The following MRPL37 variants were observed in gnomAD, a reference collection of about 807,000 sequenced individuals.
MRPL37 encodes the protein large ribosomal subunit protein mL37.
MRPL37 carries 34 observed loss-of-function variants against 44.1 expected under a neutral mutation model. That is an observed-to-expected ratio of 0.77 (90% CI 0.59 to 1.03). The LOEUF is 1.03. Among genes scored for constraint, MRPL37 ranks in the 50% least tolerant of loss-of-function variants. The pLI is 0.00. For missense variants in MRPL37, 532 were observed against 543.7 expected (o/e 0.98, Z 0.21); for synonymous variants, 212 against 219.5 (o/e 0.97, Z 0.30).
downstream of MRPL37, among the ~76,000 whole-genome samples, chr1:54,224,895 A>C (rs1644264656): frequency 6.7e-6 from 1 of 150,080 alleles, no homozygotes; most frequent in Non-Finnish European, 1.5e-5. Flanking sequence ...AGACTGCACT[A>C]CTCTCAAAAC....
chr1:54,223,185 GC>G (rs1422634262), downstream of MRPL37, among the ~76,000 whole-genome samples: 3 of 152,162 alleles, frequency 2.0e-5, no homozygotes, highest in African/African-American at 7.2e-5. Flanking sequence ...CCAACTCCAA[GC>G]CCCCAGTGCT....
At chr1:54,219,001 C>T (rs2100518420), downstream of MRPL37, among the ~76,000 whole-genome samples, 1 of 152,340 alleles carries the variant, frequency 6.6e-6, no homozygotes, top group South Asian at 2.1e-4. Context: ...AGGTCAGCTT[C>T]CCGAGGAAAC....
intron 1 of MRPL37, 127 bp from the exon 2 acceptor site, chr1:54,204,891 G>A (rs560319232): frequency 1.8e-6 from 2 of 1,092,314 alleles, no homozygotes; most frequent in African/African-American, 1.6e-5. Context: ...CCCCTCAGGT[G>A]TCACAGAACA....
At chr1:54,225,009 G>A (rs1209374189), downstream of MRPL37, 5 of 1,055,452 alleles carry the variant, frequency 4.7e-6, no homozygotes, top group African/African-American at 6.6e-5. Context: ...GGGGGCCTGG[G>A]GTGAAGCCAG....
chr1:54,205,087 T>A lies in MRPL37; in HGVS notation c.416T>A (p.Leu139His). The A allele has an allele frequency of 6.2e-7, 1 of 1,614,096 alleles. No individual in the cohort carries two copies. ...IEGLPEKVLS[L>H]VDDPRNHIEN... is the part of the protein sequence containing the mutation. ...GGCCTTCCCGAGAAAGTGCTTAGCC[T>A]TGTTGATGATCCAAGGAACCACATA... The change falls in exon 2 of 7, where the codon CTT becomes CAT. Residue 139 changes from leucine (L) to histidine (H), a missense_variant. Coordinates refer to ENST00000360840, the MANE Select transcript of MRPL37 (RefSeq NM_016491.4).
At chr1:54,202,875 G>T (rs1644094734) in intron 1 of MRPL37, among the ~76,000 whole-genome samples, 1 of 152,194 alleles carries the variant, frequency 6.6e-6, no homozygotes, top group African/African-American at 2.4e-5. Flanking sequence ...AACCAAGGCA[G>T]CCAGCAGCCT....
At chr1:54,223,259 CA>C (rs1644248242), downstream of MRPL37, among the ~76,000 whole-genome samples, 1 of 152,230 alleles carries the variant, frequency 6.6e-6, no homozygotes, top group South Asian at 2.1e-4. Context: ...CCACCCTGCC[CA>C]GCCACTCTGC....
chr1:54,216,500 G>A (rs529704884), intron 6 of MRPL37, among the ~76,000 whole-genome samples, 156 bp downstream of exon 6: 9 of 152,118 alleles, frequency 5.9e-5, no homozygotes, highest in South Asian at 4.2e-4. Flanking sequence ...CTTCAGTCCC[G>A]CCCCTACCTA....
Position 54,205,077 on chromosome 1 carries a change from G to C in MRPL37, c.406G>C (p.Val136Leu). 3 of 1,614,114 alleles carry C rather than the reference G, an allele frequency of 1.9e-6. No homozygotes were observed. The highest frequency in any genetic ancestry group is 2.5e-6 in the Non-Finnish European group (3 of 1,180,030). ...TKLIEGLPEK[V>L]LSLVDDPRNH... Reference sequence around the variant, plus strand: ...GTTAATAGAAGGCCTTCCCGAGAAAGTGCTTAGCCTTGTTGATGATCCAAG... The same window carrying C: ...GTTAATAGAAGGCCTTCCCGAGAAACTGCTTAGCCTTGTTGATGATCCAAG... Residue 136 changes from valine to leucine, a missense_variant, in exon 2 of 7, where the codon GTG becomes CTG. Transcript: ENST00000360840.
At chr1:54,223,857 G>A (rs959285762), downstream of MRPL37, among the ~76,000 whole-genome samples, 11 of 152,230 alleles carry the variant, frequency 7.2e-5, no homozygotes, top group Non-Finnish European at 1.3e-4. Flanking sequence ...CTGGCCCCAG[G>A]CAGTGATGAA....
At chr1:54,214,675 T>A (rs1644186064) in intron 5 of MRPL37, among the ~76,000 whole-genome samples, 1 of 152,152 alleles carries the variant, frequency 6.6e-6, no homozygotes. Flanking sequence ...ACGATACAAC[T>A]AATTACCACC....
downstream of MRPL37, among the ~76,000 whole-genome samples, chr1:54,223,350 C>T (rs1644249275): frequency 6.6e-6 from 1 of 152,192 alleles, no homozygotes; most frequent in Non-Finnish European, 1.5e-5. Context: ...CTCTGAGGGA[C>T]CCCAGGTATG....
intron 5 of MRPL37, among the ~76,000 whole-genome samples, chr1:54,214,021 A>G (rs1228583939): frequency 2.0e-5 from 3 of 152,174 alleles, no homozygotes; most frequent in Non-Finnish European, 2.9e-5. Flanking sequence ...CATCTCTACT[A>G]AAAATACAAA....
At position 54,218,246 on chromosome 1, in the gene MRPL37, G is replaced by A. The variant is rs139672507; in HGVS notation, c.1269G>A (p.Ala423=). Residue 423 remains alanine (A), a synonymous_variant, in exon 7 of 7, where the codon GCG becomes GCA. Coordinates refer to ENST00000360840, the MANE Select transcript of MRPL37 (RefSeq NM_016491.4). ...KFLALYLHGA[A] The stretch of plus-strand genomic sequence containing the variant: ...TAGCTCTATATTTGCATGGTGCTGC[G>A]TGAGCGGAGGACCCCTCTGAATCCT... 3.3e-4 allele frequency: 533 copies of A among 1,614,190 alleles called. 1 individual carries two copies. Among genetic ancestry groups the A allele is most frequent in the South Asian group, 1.2e-3 (109 of 91,070 alleles).
At chr1:54,223,978 G>A (rs556052145), downstream of MRPL37, among the ~76,000 whole-genome samples, 44 of 152,336 alleles carry the variant, frequency 2.9e-4, no homozygotes, top group African/African-American at 1.1e-3. Context: ...CCAGGCTGCC[G>A]AGGGGCCCCA....
At chr1:54,207,666 A>G (rs1014754658) in intron 3 of MRPL37, among the ~76,000 whole-genome samples, 5 of 152,212 alleles carry the variant, frequency 3.3e-5, no homozygotes, top group Admixed American at 2.0e-4. Flanking sequence ...GTCTGTGGGG[A>G]GAATGGAAAA....
intron 3 of MRPL37, among the ~76,000 whole-genome samples, chr1:54,209,324 C>T (rs1281998021): frequency 6.6e-6 from 1 of 152,114 alleles, no homozygotes; most frequent in East Asian, 1.9e-4. Flanking sequence ...CTTAGGGATC[C>T]CAGGATTAAC....
intron 3 of MRPL37, among the ~76,000 whole-genome samples, chr1:54,205,912 G>T (rs899458506): frequency 2.0e-5 from 3 of 152,072 alleles, no homozygotes; most frequent in African/African-American, 4.8e-5. Flanking sequence ...TGGGTTACCA[G>T]CCCTCATGAT....
At chr1:54,209,149 G>A (rs1156595640) in intron 3 of MRPL37, among the ~76,000 whole-genome samples, 1 of 152,182 alleles carries the variant, frequency 6.6e-6, no homozygotes, top group Non-Finnish European at 1.5e-5. Context: ...TACCTGGTGG[G>A]CTCCTTGAGA....
Sources: gnomAD v4.1 joint callset for allele counts (sites outside exome capture counted in the v4.1 genomes callset) on GRCh38, gnomAD v4.1.1 for gene constraint, MANE v1.5 for transcripts, NCBI Gene and HGNC (gene_info 2026-07-23, HGNC 2026-07-21) for gene names.